ROR2: variants seen among roughly 807,000 people sequenced by gnomAD.
The protein encoded by ROR2 is tyrosine-protein kinase transmembrane receptor ROR2.
Under a neutral mutation model 74.9 loss-of-function variants are expected in ROR2, and 33 were observed. The observed-to-expected ratio is 0.44, with a 90% CI of 0.33 to 0.59. The LOEUF (loss-of-function observed/expected upper bound fraction) is 0.59. Ranked by LOEUF, ROR2 falls within the 20% of genes least tolerant of loss-of-function variation. The pLI is 0.02. For missense variants in ROR2, 1,216 were observed against 1,313.8 expected, an observed-to-expected ratio of 0.93 and a Z score of 1.15; for synonymous variants, 586 against 558.7, an observed-to-expected ratio of 1.05 and a Z score of -0.69.
At chr9:91,899,852 C>T (rs1401512151) in intron 1 of ROR2, among the ~76,000 whole-genome samples, 1 of 152,188 alleles carries the variant, frequency 6.6e-6, no homozygotes, top group Non-Finnish European at 1.5e-5. Flanking sequence ...GTCGCAAACA[C>T]ACACACACAG....
intron 1 of ROR2, among the ~76,000 whole-genome samples, chr9:91,814,365 G>C (rs1827856846): frequency 6.6e-6 from 1 of 152,138 alleles, no homozygotes; most frequent in Non-Finnish European, 1.5e-5. Context: ...TTCGTCAGAG[G>C]CCACGCACTC....
At chr9:91,904,473 G>A (rs930458574) in intron 1 of ROR2, among the ~76,000 whole-genome samples, 4 of 152,202 alleles carry the variant, frequency 2.6e-5, no homozygotes, top group African/African-American at 9.7e-5. Flanking sequence ...TAGGACCTGC[G>A]CCACGACCAA....
chr9:91,925,949 A>G (rs1166259107), intron 1 of ROR2, among the ~76,000 whole-genome samples: 7 of 152,170 alleles, frequency 4.6e-5, no homozygotes, highest in Non-Finnish European at 8.8e-5. Context: ...TGCACACTTA[A>G]GAAGACATCC....
At chr9:91,914,766 T>C (rs916904350) in intron 1 of ROR2, among the ~76,000 whole-genome samples, 12 of 128,186 alleles carry the variant, frequency 9.4e-5, no homozygotes, top group Admixed American at 8.3e-4. Flanking sequence ...TGTAGATCTG[T>C]CATGACTAGG....
rs373575567 is a variant in ROR2, at chr9:91,723,977, C to G, written c.2517G>C (p.Pro839=). 2 of 1,613,028 alleles carry G rather than the reference C, an allele frequency of 1.2e-6. No individual in the cohort carries two copies. The highest frequency in any genetic ancestry group is 1.7e-6 in the Non-Finnish European group (2 of 1,180,020). Residue 839 remains proline (P), a synonymous_variant, in exon 9 of 9, where the codon CCG becomes CCC. Transcript: ENST00000375708. The stretch of plus-strand genomic sequence containing the variant: ...GGGCCATCTGCATTGGGATCTGCAC[C>G]GGGTAGAAGTTGGGCAGGTAGGCCC... The part of the protein sequence containing the change: ...AYGAYLPNFY[P]VQIPMQMAPQ...
intron 1 of ROR2, among the ~76,000 whole-genome samples, chr9:91,922,671 T>C (rs1274047544): frequency 1.3e-5 from 2 of 152,154 alleles, no homozygotes; most frequent in Non-Finnish European, 2.9e-5. Context: ...GTCAGGATGG[T>C]CTCGATCTCC....
At chr9:91,732,164 C>T (rs1463912145) in intron 6 of ROR2, among the ~76,000 whole-genome samples, 2 of 152,182 alleles carry the variant, frequency 1.3e-5, no homozygotes, top group African/African-American at 4.8e-5. Context: ...CTAAATACAG[C>T]CCCGGAGCTG....
intron 2 of ROR2, among the ~76,000 whole-genome samples, chr9:91,770,031 T>G: frequency 6.6e-6 from 1 of 152,236 alleles, no homozygotes; most frequent in East Asian, 1.9e-4. Context: ...AGCAGTTCCA[T>G]GTGCATTTCT....
chr9:91,878,848 C>G (rs1325321179), intron 1 of ROR2, among the ~76,000 whole-genome samples: 1 of 152,094 alleles, frequency 6.6e-6, no homozygotes. Flanking sequence ...GAGGCCGAGA[C>G]GGGCAGATCA....
At chr9:91,739,227 C>A (rs1410918450) in intron 4 of ROR2, among the ~76,000 whole-genome samples, 1 of 152,212 alleles carries the variant, frequency 6.6e-6, no homozygotes, top group African/African-American at 2.4e-5. Flanking sequence ...CAATTTAAGG[C>A]TAGGCACAGT....
intron 1 of ROR2, among the ~76,000 whole-genome samples, chr9:91,899,388 T>A (rs192450138): frequency 6.6e-6 from 1 of 152,202 alleles, no homozygotes; most frequent in African/African-American, 2.4e-5. Context: ...CAGGTCAATG[T>A]CCCCTGCTTG....
chr9:91,745,834 C>A (rs2118782925), intron 4 of ROR2, among the ~76,000 whole-genome samples: 1 of 152,184 alleles, frequency 6.6e-6, no homozygotes, highest in Non-Finnish European at 1.5e-5. Context: ...CAGTTTCTAG[C>A]TTTTATTCCG....
chr9:91,848,113 C>T (rs1207269926), intron 1 of ROR2, among the ~76,000 whole-genome samples: 1 of 152,212 alleles, frequency 6.6e-6, no homozygotes, highest in Non-Finnish European at 1.5e-5. Flanking sequence ...TTTACCAAAA[C>T]ATAACAAGGA....
chr9:91,758,644 C>T (rs1369347128), intron 2 of ROR2, among the ~76,000 whole-genome samples: 2 of 152,160 alleles, frequency 1.3e-5, no homozygotes, highest in Non-Finnish European at 2.9e-5. Context: ...GAGTGGGCTG[C>T]TCCTAAAATA....
intron 1 of ROR2, among the ~76,000 whole-genome samples, chr9:91,800,868 T>C (rs879096608): frequency 2.0e-5 from 3 of 152,268 alleles, no homozygotes; most frequent in Non-Finnish European, 4.4e-5. Context: ...TCAGCCCTAT[T>C]TAAAATATTT....
At chr9:91,815,908 C>T (rs555133372) in intron 1 of ROR2, among the ~76,000 whole-genome samples, 9 of 152,306 alleles carry the variant, frequency 5.9e-5, no homozygotes, top group African/African-American at 1.9e-4. Flanking sequence ...CTGGCTCTCA[C>T]GGCACAAACT....
At chr9:91,748,771 G>A (rs531038638) in intron 4 of ROR2, among the ~76,000 whole-genome samples, 2 of 152,194 alleles carry the variant, frequency 1.3e-5, no homozygotes, top group Non-Finnish European at 2.9e-5. Flanking sequence ...GGTGGCTCAC[G>A]CCTGCAATCC....
intron 1 of ROR2, among the ~76,000 whole-genome samples, chr9:91,874,294 G>A (rs1430535775): frequency 6.6e-6 from 1 of 152,164 alleles, no homozygotes; most frequent in Non-Finnish European, 1.5e-5. Context: ...CTGCACACTC[G>A]CTCCTCATTT....
At chr9:91,782,696 T>TAA (rs1392624873) in intron 1 of ROR2, among the ~76,000 whole-genome samples, 1 of 151,800 alleles carries the variant, frequency 6.6e-6, no homozygotes, top group Admixed American at 6.6e-5. Context: ...AAGCTTGCTT[T>TAA]AAGTTAAGGC....
Sources: gnomAD v4.1 joint callset for allele counts (sites outside exome capture counted in the v4.1 genomes callset) on GRCh38, gnomAD v4.1.1 for gene constraint, MANE v1.5 for transcripts, NCBI Gene and HGNC (gene_info 2026-07-23, HGNC 2026-07-21) for gene names.